The following CHST8 variants were observed in gnomAD, a reference collection of about 807,000 sequenced individuals.
CHST8 encodes the protein carbohydrate sulfotransferase 8.
Under a neutral mutation model 15.0 loss-of-function variants are expected in CHST8, and 10 were observed. The observed-to-expected ratio is 0.67, with a 90% confidence interval of 0.41 to 1.13. The LOEUF (loss-of-function observed/expected upper bound fraction) is 1.13. Among genes scored for constraint, CHST8 ranks in the 50% most tolerant of loss-of-function variants. The pLI is 0.00. For synonymous variants in CHST8, 259 were observed against 256.6 expected, an observed-to-expected ratio of 1.01 and a Z score of -0.09; for missense variants, 634 against 608.2, an observed-to-expected ratio of 1.04 and a Z score of -0.45.
chr19:33,765,053 C>CATATAT (rs72103213), intron 3 of CHST8, among the ~76,000 whole-genome samples: 11 of 87,688 alleles, frequency 1.3e-4, no homozygotes, highest in African/African-American at 3.0e-4. Flanking sequence ...ACTATTCCAT[C>CATATAT]ATATATATAT....
intron 1 of CHST8, among the ~76,000 whole-genome samples, chr19:33,640,743 G>C (rs974489155): frequency 6.6e-6 from 1 of 152,152 alleles, no homozygotes; most frequent in Non-Finnish European, 1.5e-5. Context: ...TGCATCTCTG[G>C]CCCTTCCTGG....
chr19:33,684,728 G>A, intron 2 of CHST8: 1 of 146,836 alleles, frequency 6.8e-6, no homozygotes, highest in Non-Finnish European at 1.5e-5. Flanking sequence ...CCCACCGATC[G>A]ATCGGCGACG....
rs564414483 is a variant in CHST8, at chr19:33,670,343, A to G, written c.-87+2500A>G. ...GATGTTGGGTGAGTCTATGGGCTGAAGTTTACCGTATTTTTAATCATCTGA... is the reference window on the plus strand; with the variant it reads ...GATGTTGGGTGAGTCTATGGGCTGAGGTTTACCGTATTTTTAATCATCTGA... On this transcript the variant is annotated intron_variant, in intron 2 of 4. Coordinates refer to ENST00000650847, the MANE Select transcript of CHST8 (RefSeq NM_001127895.2). 5.9e-5 allele frequency among the ~76,000 whole-genome samples: 9 copies of G among 152,336 alleles called. No individual in the cohort carries two copies. In the East Asian group the frequency reaches 1.7e-3, roughly 29 times the overall value.
intron 1 of CHST8, among the ~76,000 whole-genome samples, chr19:33,637,536 G>A (rs1472662343): frequency 1.3e-5 from 2 of 151,346 alleles, no homozygotes; most frequent in Non-Finnish European, 3.0e-5. Context: ...CCCAGCAGCT[G>A]GGACTACAGG....
intron 1 of CHST8, among the ~76,000 whole-genome samples, chr19:33,637,154 G>A (rs1033754761): frequency 6.6e-6 from 1 of 152,162 alleles, no homozygotes; most frequent in Non-Finnish European, 1.5e-5. Flanking sequence ...CACCATCTTG[G>A]TTTTGGTAGC....
intron 3 of CHST8, among the ~76,000 whole-genome samples, chr19:33,740,774 G>A (rs1974170681): frequency 6.6e-6 from 1 of 152,180 alleles, no homozygotes; most frequent in African/African-American, 2.4e-5. Flanking sequence ...ATGGGACAGT[G>A]CACACACAAG....
intron 3 of CHST8, among the ~76,000 whole-genome samples, chr19:33,769,651 G>T (rs969628968): frequency 6.6e-6 from 1 of 151,988 alleles, no homozygotes; most frequent in African/African-American, 2.4e-5. Flanking sequence ...CATGGCAGGG[G>T]GTGGCAATGA....
At chr19:33,662,730 G>T (rs959121939) in intron 1 of CHST8, among the ~76,000 whole-genome samples, 2 of 152,170 alleles carry the variant, frequency 1.3e-5, no homozygotes, top group African/African-American at 4.8e-5. Flanking sequence ...TGGTGGAGAG[G>T]ATTGTTCCTG....
intron 2 of CHST8, among the ~76,000 whole-genome samples, chr19:33,680,320 A>G (rs1368756031): frequency 6.6e-6 from 1 of 152,172 alleles, no homozygotes; most frequent in African/African-American, 2.4e-5. Flanking sequence ...TCAAAATCCC[A>G]TTCTGGGCCT....
chr19:33,740,691 T>C (rs1974168302), intron 3 of CHST8, among the ~76,000 whole-genome samples: 1 of 152,186 alleles, frequency 6.6e-6, no homozygotes, highest in South Asian at 2.1e-4. Flanking sequence ...CCTACCTATC[T>C]TCCCCACTAG....
chr19:33,758,432 G>A (rs1189674190), intron 3 of CHST8, among the ~76,000 whole-genome samples: 1 of 152,194 alleles, frequency 6.6e-6, no homozygotes, highest in African/African-American at 2.4e-5. Flanking sequence ...CAGGGTGTCT[G>A]CAGAGCCCCA....
chr19:33,654,797 C>G (rs1030530961), intron 1 of CHST8, among the ~76,000 whole-genome samples: 1 of 152,168 alleles, frequency 6.6e-6, no homozygotes, highest in Admixed American at 6.5e-5. Flanking sequence ...AGTTCCTCAT[C>G]TTATGAGGGC....
chr19:33,757,662 G>A (rs1376009479), intron 3 of CHST8, among the ~76,000 whole-genome samples: 2 of 151,770 alleles, frequency 1.3e-5, no homozygotes, highest in East Asian at 3.9e-4. Context: ...CAGGGGAGGT[G>A]ATGTCCCCAC....
At chr19:33,744,081 G>A (rs918382296) in intron 3 of CHST8, among the ~76,000 whole-genome samples, 8 of 152,138 alleles carry the variant, frequency 5.3e-5, no homozygotes, top group Non-Finnish European at 5.9e-5. Context: ...ATGAGCCCCC[G>A]TGCCCAGCCT....
At chr19:33,745,012 G>T (rs566257069) in intron 3 of CHST8, among the ~76,000 whole-genome samples, 11 of 152,308 alleles carry the variant, frequency 7.2e-5, no homozygotes, top group Non-Finnish European at 4.4e-5. Flanking sequence ...CTCCCAAAGT[G>T]CTGGGATTAC....
At chr19:33,758,704 G>A (rs1974655911) in intron 3 of CHST8, among the ~76,000 whole-genome samples, 1 of 152,238 alleles carries the variant, frequency 6.6e-6, no homozygotes, top group African/African-American at 2.4e-5. Context: ...GGTGAAGAAG[G>A]ACATGCTGCC....
At chr19:33,654,694 A>C (rs1972488610) in intron 1 of CHST8, among the ~76,000 whole-genome samples, 1 of 151,936 alleles carries the variant, frequency 6.6e-6, no homozygotes, top group Non-Finnish European at 1.5e-5. Flanking sequence ...TGAAAATATA[A>C]AAATATTTTC....
chr19:33,729,778 G>A (rs535604070), intron 3 of CHST8, among the ~76,000 whole-genome samples: 6 of 152,334 alleles, frequency 3.9e-5, no homozygotes, highest in African/African-American at 1.4e-4. Flanking sequence ...TGGGCCTGGG[G>A]TTTTTAAGGG....
chr19:33,627,404 G>A (rs1463651610), intron 1 of CHST8, among the ~76,000 whole-genome samples: 1 of 151,914 alleles, frequency 6.6e-6, no homozygotes. Flanking sequence ...GAGCCAGCAC[G>A]CCCGACCCTT....
Sources: allele counts gnomAD v4.1 joint callset (sites outside exome capture counted in the v4.1 genomes callset), GRCh38; gene constraint gnomAD v4.1.1; transcripts MANE v1.5; gene names NCBI Gene and HGNC (gene_info 2026-07-23, HGNC 2026-07-21).